The following CASQ2 variants were observed in gnomAD, a reference collection of about 807,000 sequenced individuals.
CASQ2 encodes the protein calsequestrin 2.
A neutral mutation model predicts 46.5 loss-of-function variants in CASQ2; 49 were observed. That is an observed-to-expected ratio of 1.05 (90% CI 0.84 to 1.34). CASQ2 has a LOEUF of 1.34. CASQ2 is among the 40% of genes most tolerant of loss of function. The pLI is 0.00. For missense variants in CASQ2, 486 were observed against 481.3 expected (o/e 1.01, Z -0.09); for synonymous variants, 174 against 168.5 (o/e 1.03, Z -0.25).
chr1:115,745,216 A>T lies in CASQ2; in HGVS notation c.235-304T>A, dbSNP rs762532674. 5.9e-5 allele frequency among the ~76,000 whole-genome samples: 9 copies of T among 152,160 alleles called. 1 individual carries two copies. The highest frequency in any genetic ancestry group is 2.9e-5 in the Non-Finnish European group (2 of 68,024). ...TGGAGTAGATAAAACCTGGATCGGG[A>T]GAAAGAAGAATCAGGAAGGAAGCAT... On this transcript the variant is annotated intron_variant, in intron 1 of 10. Transcript: ENST00000261448.
chr1:115,728,912 C>T (rs577094284), intron 5 of CASQ2, among the ~76,000 whole-genome samples: 6 of 151,918 alleles, frequency 3.9e-5, no homozygotes, highest in African/African-American at 9.7e-5. Context: ...ATTGGATTGT[C>T]GTGTCCTTAA....
intron 1 of CASQ2, among the ~76,000 whole-genome samples, chr1:115,757,715 TA>T (rs1174119888): frequency 2.0e-5 from 3 of 151,940 alleles, no homozygotes; most frequent in Non-Finnish European, 4.4e-5. Flanking sequence ...TCCCATGGCT[TA>T]AAAAAAATCA....
chr1:115,703,256 C>T (rs1392907174), intron 9 of CASQ2, among the ~76,000 whole-genome samples: 1 of 152,236 alleles, frequency 6.6e-6, no homozygotes, highest in Non-Finnish European at 1.5e-5. Flanking sequence ...TCTAATGTTG[C>T]TTTCCAAATT....
intron 5 of CASQ2, among the ~76,000 whole-genome samples, chr1:115,728,972 G>A (rs1265179056): frequency 6.8e-6 from 1 of 147,234 alleles, no homozygotes; most frequent in African/African-American, 2.5e-5. Context: ...TCTCTTCACT[G>A]TCTACCTACC....
intron 4 of CASQ2, among the ~76,000 whole-genome samples, chr1:115,737,896 C>CAA (rs774115790): frequency 7.9e-5 from 12 of 152,206 alleles, no homozygotes; most frequent in Non-Finnish European, 1.6e-4. Flanking sequence ...GGGAGACAGC[C>CAA]CATTGCTTGT....
chr1:115,723,337 C>CT (rs1553193969), intron 7 of CASQ2, among the ~76,000 whole-genome samples: 22 of 87,274 alleles, frequency 2.5e-4, no homozygotes, highest in Non-Finnish European at 3.7e-4. Context: ...ATCTATCTAT[C>CT]ATCTATCTAT....
intron 2 of CASQ2, among the ~76,000 whole-genome samples, chr1:115,743,466 A>G (rs1282430776): frequency 6.6e-6 from 1 of 150,588 alleles, no homozygotes; most frequent in African/African-American, 2.4e-5. Flanking sequence ...CTGGTCTCAA[A>G]CTCCTGGGCT....
chr1:115,762,831 A>G (rs376412543), intron 1 of CASQ2, among the ~76,000 whole-genome samples: 2 of 152,318 alleles, frequency 1.3e-5, no homozygotes, highest in African/African-American at 4.8e-5. Context: ...GTGTCAAGGT[A>G]GAAGGGGAAG....
chr1:115,701,902 AT>A (rs1181615398), intron 10 of CASQ2, among the ~76,000 whole-genome samples: 1 of 151,936 alleles, frequency 6.6e-6, no homozygotes, highest in East Asian at 1.9e-4. Flanking sequence ...GGAGAAAGAC[AT>A]TGCTAACTGG....
chr1:115,759,493 A>G (rs529119595), intron 1 of CASQ2, among the ~76,000 whole-genome samples: 9 of 152,168 alleles, frequency 5.9e-5, no homozygotes, highest in Non-Finnish European at 1.0e-4. Context: ...TTGAAGCAGC[A>G]CGAGGCCTTC....
chr1:115,723,908 T>C (rs1647480768), intron 7 of CASQ2, among the ~76,000 whole-genome samples: 2 of 152,220 alleles, frequency 1.3e-5, no homozygotes, highest in African/African-American at 4.8e-5. Context: ...GCTGAGTTGT[T>C]ATTAAATAGT....
chr1:115,723,157 G>A (rs1647442713), intron 7 of CASQ2, among the ~76,000 whole-genome samples: 1 of 152,158 alleles, frequency 6.6e-6, no homozygotes, highest in African/African-American at 2.4e-5. Flanking sequence ...TTCTTTTGCA[G>A]TAAAGGACAT....
At chr1:115,749,764 G>A (rs1648512832) in intron 1 of CASQ2, among the ~76,000 whole-genome samples, 1 of 152,170 alleles carries the variant, frequency 6.6e-6, no homozygotes, top group African/African-American at 2.4e-5. Flanking sequence ...ATTTGGCTTG[G>A]CCTTGCCTCC....
At chr1:115,726,710 C>G (rs6661781) in intron 6 of CASQ2, among the ~76,000 whole-genome samples, 1 of 152,074 alleles carries the variant, frequency 6.6e-6, no homozygotes, top group African/African-American at 2.4e-5. Flanking sequence ...CTAAATTGCT[C>G]TCATTCCTAG....
At chr1:115,745,436 G>T (rs1174134410) in intron 1 of CASQ2, among the ~76,000 whole-genome samples, 1 of 152,140 alleles carries the variant, frequency 6.6e-6, no homozygotes, top group Non-Finnish European at 1.5e-5. Context: ...TCTTCTCAAG[G>T]TTTCCTGAAG....
intron 8 of CASQ2, among the ~76,000 whole-genome samples, chr1:115,709,691 A>T (rs10923239): frequency 0.22 from 33,114 of 152,170 alleles, 3,799 homozygotes; most frequent in East Asian, 0.4. Context: ...GAATATTTCC[A>T]GGACTGAGAC....
intron 5 of CASQ2, among the ~76,000 whole-genome samples, chr1:115,732,574 C>A (rs1037249190): frequency 6.6e-6 from 1 of 152,096 alleles, no homozygotes; most frequent in African/African-American, 2.4e-5. Context: ...GGAGAGGATA[C>A]CCCCTAAGGA....
intron 4 of CASQ2, among the ~76,000 whole-genome samples, chr1:115,734,968 G>T (rs76170137): frequency 0.11 from 16,512 of 152,216 alleles, 1,002 homozygotes; most frequent in South Asian, 0.23. Context: ...CACAAAATAA[G>T]TGTACACAAT....
At chr1:115,761,457 GA>G (rs1648942168) in intron 1 of CASQ2, among the ~76,000 whole-genome samples, 1 of 11,958 alleles carries the variant, frequency 8.4e-5, no homozygotes. Context: ...AGAAGAAGAA[GA>G]AGAAGGAGAA....
Sources: allele counts gnomAD v4.1 joint callset (sites outside exome capture counted in the v4.1 genomes callset), GRCh38; gene constraint gnomAD v4.1.1; transcripts MANE v1.5; gene names NCBI Gene and HGNC (gene_info 2026-07-23, HGNC 2026-07-21).